Variants in TRIP12 observed in about 807,000 individuals in gnomAD.
TRIP12 encodes the protein thyroid hormone receptor interactor 12.
A neutral mutation model predicts 244.2 loss-of-function variants in TRIP12; 25 were observed. That is an observed-to-expected ratio of 0.10 (90% CI 0.07 to 0.14). TRIP12 has a LOEUF of 0.14. Ranked by LOEUF, TRIP12 falls within the 10% of genes least tolerant of loss-of-function variation. The pLI is 1.00. For synonymous variants in TRIP12, 905 were observed against 873.1 expected (o/e 1.04, Z -0.64); for missense variants, 1,677 against 2,486.4 (o/e 0.67, Z 6.92).
chr2:229,859,579 G>T lies in TRIP12; in HGVS notation c.225-5C>A. On this transcript the variant is annotated splice_region_variant and splice_polypyrimidine_tract_variant and intron_variant, in intron 3 of 41. Coordinates refer to ENST00000675903, the MANE Select transcript of TRIP12 (RefSeq NM_001348323.3). ...GCAGATGATGAACTGCAGCTTCTAA[G>T]AGGTTAGATAAGAAAACAGTTAATA... 1 of 1,607,746 alleles carries T rather than the reference G, an allele frequency of 6.2e-7. No individual in the cohort carries two copies. The highest frequency in any genetic ancestry group is 8.5e-7 in the Non-Finnish European group (1 of 1,177,030).
At chr2:229,779,287 T>C (rs1023092373) in intron 34 of TRIP12, among the ~76,000 whole-genome samples, 3 of 152,218 alleles carry the variant, frequency 2.0e-5, no homozygotes, top group Non-Finnish European at 4.4e-5. Flanking sequence ...CAATATGGCA[T>C]TGTCTGCATA....
At chr2:229,807,974 T>G in intron 16 of TRIP12, 110 bp from the exon 17 acceptor site, 1 of 1,226,408 alleles carries the variant, frequency 8.2e-7, no homozygotes, top group Non-Finnish European at 1.1e-6. Context: ...TTAGACCAAT[T>G]TTTTTTTTGG....
chr2:229,822,618 T>A (rs933684947), intron 8 of TRIP12, among the ~76,000 whole-genome samples: 1 of 152,204 alleles, frequency 6.6e-6, no homozygotes, highest in Non-Finnish European at 1.5e-5. Context: ...AAGCTAGCAC[T>A]AGCAGAAAAT....
intron 4 of TRIP12, among the ~76,000 whole-genome samples, chr2:229,851,109 G>C (rs2058611685): frequency 6.6e-6 from 1 of 152,338 alleles, no homozygotes; most frequent in East Asian, 1.9e-4. Flanking sequence ...CGAGCACATG[G>C]CGCGGGACCG....
chr2:229,786,564 A>ATTTTTTTTTTTTTTTTTTTTTTTTTT (rs34969936), intron 33 of TRIP12, among the ~76,000 whole-genome samples: 1 of 78,008 alleles, frequency 1.3e-5, no homozygotes, highest in Non-Finnish European at 2.3e-5. Flanking sequence ...CGCCCAGATA[A>ATTTTTTTTTTTTTTTTTTTTTTTTTT]TTTTTTTTTT....
chr2:229,768,599 A>G lies in TRIP12; in HGVS notation c.6007+17T>C. The G allele has an allele frequency of 6.2e-7, 1 of 1,608,630 alleles. No individual in the cohort carries two copies. Among genetic ancestry groups the G allele is most frequent in the South Asian group, 1.1e-5 (1 of 90,030 alleles). The stretch of plus-strand genomic sequence containing the variant: ...CCCATAGGTAGAATAAATGCTAAAC[A>G]TCAACATCGTACCCACCTCCAACAG... On this transcript the variant is annotated intron_variant, in intron 41 of 41. Coordinates refer to ENST00000675903, the MANE Select transcript of TRIP12 (RefSeq NM_001348323.3).
intron 9 of TRIP12, among the ~76,000 whole-genome samples, chr2:229,818,065 G>A (rs1233054710): frequency 1.3e-5 from 2 of 152,068 alleles, no homozygotes; most frequent in Admixed American, 6.6e-5. Flanking sequence ...GAAAAAGCAT[G>A]TGCATTTTAC....
At chr2:229,823,313 C>T (rs1417589657) in intron 8 of TRIP12, among the ~76,000 whole-genome samples, 1 of 152,112 alleles carries the variant, frequency 6.6e-6, no homozygotes, top group Non-Finnish European at 1.5e-5. Context: ...GTGGTTTTTA[C>T]ATTTTTTTTG....
chr2:229,824,995 A>T (rs1353381472), intron 8 of TRIP12, among the ~76,000 whole-genome samples: 1 of 152,250 alleles, frequency 6.6e-6, no homozygotes, highest in Non-Finnish European at 1.5e-5. Flanking sequence ...TAAATGAAAC[A>T]ATCCAACTTG....
chr2:229,797,512 G>A (rs2154264986), intron 24 of TRIP12, among the ~76,000 whole-genome samples, 178 bp downstream of exon 24: 1 of 152,308 alleles, frequency 6.6e-6, no homozygotes, highest in East Asian at 1.9e-4. Flanking sequence ...ACAGACTGAT[G>A]AATCCTGATA....
chr2:229,886,496 T>C (rs886904041), intron 1 of TRIP12, among the ~76,000 whole-genome samples: 8 of 151,750 alleles, frequency 5.3e-5, no homozygotes, highest in African/African-American at 7.3e-5. Flanking sequence ...GGGATCTCAC[T>C]GGACACCCAG....
At chr2:229,859,870 A>C (rs1462530374) in intron 3 of TRIP12, among the ~76,000 whole-genome samples, 1 of 152,252 alleles carries the variant, frequency 6.6e-6, no homozygotes, top group Non-Finnish European at 1.5e-5. Context: ...AACAACACTT[A>C]ATTGTTCGGA....
At chr2:229,880,261 A>G (rs2064547610) in intron 1 of TRIP12, 133 bp from the exon 2 acceptor site, 1 of 610,074 alleles carries the variant, frequency 1.6e-6, no homozygotes, top group Middle Eastern at 4.4e-4. Context: ...CCATGCTGCA[A>G]TGTCTCACTG....
At chr2:229,855,142 C>A (rs531095672) in intron 4 of TRIP12, among the ~76,000 whole-genome samples, 5 of 152,228 alleles carry the variant, frequency 3.3e-5, no homozygotes, top group African/African-American at 7.2e-5. Flanking sequence ...TGGCGCGTGC[C>A]TATAATCCCA....
rs546681394 is a variant in TRIP12 at position 229,764,421 on chromosome 2, T to A, written c.*3133A>T. On this transcript the variant is annotated 3_prime_UTR_variant, in exon 42 of 42. Transcript: ENST00000675903. ...AAGCCTAAAATAAATGAAGGCTTGA[T>A]CATTTTACTAGTAGAGAAATGAACA... The A allele has an allele frequency of 2.0e-5, 3 of 152,242 alleles. No individual in the cohort carries two copies. The highest frequency in any genetic ancestry group is 1.9e-4 in the East Asian group (1 of 5,204). 9.4% of individuals were successfully genotyped at this position (152,242 alleles called of 1,614,324 possible). A position where few individuals can be genotyped will look rare whatever the true frequency, so the allele number is the denominator to read the frequency against.
At chr2:229,896,396 G>C (rs1051332976) in intron 1 of TRIP12, among the ~76,000 whole-genome samples, 15 of 152,244 alleles carry the variant, frequency 9.9e-5, no homozygotes, top group Non-Finnish European at 1.6e-4. Flanking sequence ...CCAGCACTTT[G>C]AGAGGCTGAG....
At chr2:229,833,105 T>C (rs2053873684) in intron 6 of TRIP12, among the ~76,000 whole-genome samples, 1 of 152,244 alleles carries the variant, frequency 6.6e-6, no homozygotes, top group Admixed American at 6.5e-5. Flanking sequence ...CATTAAAGGT[T>C]TCTACCTAAC....
chr2:229,873,571 A>AATCT (rs1463025191), intron 2 of TRIP12, among the ~76,000 whole-genome samples: 1 of 152,202 alleles, frequency 6.6e-6, no homozygotes, highest in Non-Finnish European at 1.5e-5. Context: ...TGATCTGCCA[A>AATCT]AGTGTACAGA....
chr2:229,863,014 G>A (rs761292978), intron 2 of TRIP12, among the ~76,000 whole-genome samples: 13 of 152,140 alleles, frequency 8.5e-5, no homozygotes, highest in Non-Finnish European at 1.6e-4. Flanking sequence ...TGTGTCATGA[G>A]GTCAGGAGTT....
Sources: allele counts gnomAD v4.1 joint callset (sites outside exome capture counted in the v4.1 genomes callset), GRCh38; gene constraint gnomAD v4.1.1; transcripts MANE v1.5; gene names NCBI Gene and HGNC (gene_info 2026-07-23, HGNC 2026-07-21).